The following NUP98 variants were observed in gnomAD, a reference collection of about 807,000 sequenced individuals.
NUP98 encodes nucleoporin 98 and 96 precursor, also known as nuclear pore complex protein Nup98-Nup96.
In NUP98, 26 loss-of-function variants were observed where a neutral mutation model predicts 191.9. The ratio of observed to expected loss-of-function variants is 0.14; its 90% CI spans 0.10 to 0.19. NUP98 has a LOEUF of 0.19. Among genes scored for constraint, NUP98 ranks in the 10% least tolerant of loss-of-function variants. The probability of loss-of-function intolerance (pLI) is 1.00; values close to 1 mark genes in which losing one functional copy is unlikely to be tolerated. For missense variants in NUP98, 1,941 were observed against 2,178.8 expected, an observed-to-expected ratio of 0.89 and a Z score of 2.17; for synonymous variants, 808 against 778.4, an observed-to-expected ratio of 1.04 and a Z score of -0.63.
At position 3,752,748 on chromosome 11, in the gene NUP98, A is replaced by G. The variant is rs548105627; in HGVS notation, c.1267+568T>C. Among the ~76,000 whole-genome samples the G allele has an allele frequency of 5.3e-5, 8 of 152,274 alleles. No homozygotes were observed. The South Asian group carries it at 1.7e-3, about 32-fold the overall frequency. On this transcript the variant is annotated intron_variant, in intron 11 of 32. Coordinates refer to ENST00000324932, the MANE Select transcript of NUP98 (RefSeq NM_016320.5). ...ACTGTACATGCTAAAACACTTATAT[A>G]TTTTATGACCATCATCACGCTCCAG... is the stretch of plus-strand genomic sequence containing the variant.
At chr11:3,779,093 C>T (rs778344628) in intron 3 of NUP98, 44 bp from the exon 4 acceptor site, 2 of 1,613,062 alleles carry the variant, frequency 1.2e-6, no homozygotes, top group African/African-American at 1.3e-5. Context: ...TACATCAGAG[C>T]CACTAAGTCA....
rs891964079 is a variant in NUP98, at chr11:3,767,315, G to C, written c.948+1266C>G. ...CATCTAGTATTTTGAAGACATGGCG[G>C]TACAAGCATACTTTTTTTTTTATTT... On this transcript the variant is annotated intron_variant, in intron 8 of 32. Coordinates refer to ENST00000324932, the MANE Select transcript of NUP98 (RefSeq NM_016320.5). Among the ~76,000 whole-genome samples the C allele has an allele frequency of 4.0e-5, 6 of 151,658 alleles. No individual in the cohort carries two copies. In the South Asian group the frequency reaches 1.3e-3, roughly 32 times the overall value.
chr11:3,740,718 C>T (rs1037761233), intron 12 of NUP98, among the ~76,000 whole-genome samples: 1 of 151,830 alleles, frequency 6.6e-6, no homozygotes, highest in African/African-American at 2.4e-5. Flanking sequence ...CTGATAATAG[C>T]CGGTTTCTAG....
In NUP98 at chr11:3,735,314, A is replaced by T; in HGVS notation, c.1419T>A (p.Asp473Glu). The stretch of plus-strand genomic sequence containing the variant: ...CCTGCTGGGCAGCAGAAGCATTTGG[A>T]TCTGTCAAAGCTTTTAAAAAAAAAA... ...GAPQAPVALT[D>E]PNASAAQQAV... Residue 473 changes from aspartate to glutamate, a missense_variant, in exon 13 of 33, where the codon GAT becomes GAA. Physicochemically the swap from Asp to Glu is conservative, Grantham distance 45 (BLOSUM62 2). Coordinates refer to ENST00000324932, the MANE Select transcript of NUP98 (RefSeq NM_016320.5). 6.5e-7 allele frequency: 1 copy of T among 1,530,256 alleles called. No homozygotes were observed. Among genetic ancestry groups the T allele is most frequent in the African/African-American group, 1.4e-5 (1 of 72,724 alleles). 94.8% of individuals were successfully genotyped at this position (1,530,256 alleles called of 1,614,324 possible).
Position 3,755,472 on chromosome 11 carries a change from A to C in NUP98, c.1175-2064T>G, listed in dbSNP as rs1039517310. The stretch of plus-strand genomic sequence containing the variant: ...AGAGCAAGACTCCGTCTCCAAAAGA[A>C]AAAAAAAATCATGGAGGAAAAAGTA... On this transcript the variant is annotated intron_variant, in intron 10 of 32. Transcript: ENST00000324932. 5.9e-5 allele frequency among the ~76,000 whole-genome samples: 9 copies of C among 151,392 alleles called. 1 individual carries two copies. The highest frequency in any genetic ancestry group is 1.3e-4 in the Admixed American group (2 of 15,148).
chr11:3,684,766 CAA>C (rs71041370), intron 29 of NUP98, among the ~76,000 whole-genome samples: 6 of 101,808 alleles, frequency 5.9e-5, no homozygotes, highest in East Asian at 6.1e-4. Flanking sequence ...TTTCACAGGC[CAA>C]AAAAAAAAAA....
Position 3,775,910 on chromosome 11 carries a change from G to A in NUP98, c.467C>T (p.Ala156Val), listed in dbSNP as rs1293815255. 1 of 1,613,704 alleles carries A rather than the reference G, an allele frequency of 6.2e-7. No homozygotes were observed. The highest frequency in any genetic ancestry group is 8.5e-7 in the Non-Finnish European group (1 of 1,179,744). Residue 156 changes from alanine (A) to valine (V), a missense_variant, in exon 5 of 33, where the codon GCT becomes GTT. Ala to Val is a moderately conservative substitution (Grantham distance 64). Transcript: ENST00000324932. Reference protein sequence around the residue: ...SLFGPSSFTAAPTGTTIKFNP... With the variant: ...SLFGPSSFTAVPTGTTIKFNP... ...AAATTTAATAGTAGTCCCAGTAGGAGCAGCTGTAAAACTACTTGGCCCAAA... is the reference window on the plus strand; with the variant it reads ...AAATTTAATAGTAGTCCCAGTAGGAACAGCTGTAAAACTACTTGGCCCAAA...
At chr11:3,724,277 C>CAA (rs573487646) in intron 15 of NUP98, among the ~76,000 whole-genome samples, 1 of 150,186 alleles carries the variant, frequency 6.7e-6, no homozygotes, top group African/African-American at 2.4e-5. Context: ...ACTAAAAATA[C>CAA]AAAAAAAATT....
intron 8 of NUP98, among the ~76,000 whole-genome samples, chr11:3,763,491 CA>C (rs779983355): frequency 1.2e-4 from 19 of 152,286 alleles, no homozygotes; most frequent in Non-Finnish European, 2.1e-4. Flanking sequence ...AACTTAGAAT[CA>C]AGTAACCAAA....
intron 1 of NUP98, among the ~76,000 whole-genome samples, chr11:3,787,309 G>C (rs968463206): frequency 6.6e-6 from 1 of 152,136 alleles, no homozygotes; most frequent in Non-Finnish European, 1.5e-5. Context: ...GGCCGGGCAC[G>C]GTGGCTCAAG....
chr11:3,790,512 A>G (rs1024872390), intron 1 of NUP98, among the ~76,000 whole-genome samples: 2 of 152,210 alleles, frequency 1.3e-5, no homozygotes, highest in Non-Finnish European at 2.9e-5. Context: ...TTTTCACAAT[A>G]AAACTAAGAC....
chr11:3,760,659 T>C, intron 9 of NUP98, 33 bp from the exon 10 acceptor site: 1 of 1,583,570 alleles, frequency 6.3e-7, no homozygotes. Flanking sequence ...AAATTTAAAA[T>C]AATATTAAGA....
At chr11:3,778,076 G>A (rs1369957099) in intron 4 of NUP98, among the ~76,000 whole-genome samples, 1 of 151,560 alleles carries the variant, frequency 6.6e-6, no homozygotes, top group Non-Finnish European at 1.5e-5. Context: ...GCAGGCGCCT[G>A]TAGTCCCAGC....
intron 1 of NUP98, among the ~76,000 whole-genome samples, chr11:3,795,375 G>C (rs748675392): frequency 6.6e-6 from 1 of 152,198 alleles, no homozygotes; most frequent in Non-Finnish European, 1.5e-5. Flanking sequence ...GAGCCCAGGA[G>C]GTAGAGGCTA....
chr11:3,714,428 G>A (rs891652237), intron 18 of NUP98, among the ~76,000 whole-genome samples: 2 of 152,172 alleles, frequency 1.3e-5, no homozygotes, highest in African/African-American at 4.8e-5. Context: ...ATATCGGTAT[G>A]AAGATGACTA....
intron 13 of NUP98, among the ~76,000 whole-genome samples, chr11:3,733,221 C>T (rs966171590): frequency 1.5e-4 from 23 of 151,826 alleles, no homozygotes; most frequent in African/African-American, 5.1e-4. Context: ...AACTATGAAG[C>T]TGCTTTCTTT....
intron 14 of NUP98, among the ~76,000 whole-genome samples, chr11:3,728,252 A>G (rs1390561846): frequency 2.0e-5 from 3 of 152,212 alleles, no homozygotes; most frequent in Non-Finnish European, 4.4e-5. Context: ...ATGTGTTCAG[A>G]GCAGTAATGG....
intron 10 of NUP98, among the ~76,000 whole-genome samples, chr11:3,757,807 A>G (rs1293275850): frequency 1.3e-5 from 2 of 152,058 alleles, no homozygotes; most frequent in Non-Finnish European, 2.9e-5. Flanking sequence ...CTCAAAAAGA[A>G]AGAAAAGAAA....
At chr11:3,760,746 C>G (rs1348900640) in intron 9 of NUP98, 120 bp from the exon 10 acceptor site, 2 of 659,314 alleles carry the variant, frequency 3.0e-6, no homozygotes, top group Non-Finnish European at 5.0e-6. Context: ...TCCTAACATT[C>G]ATAAAAAAGG....
Sources: allele counts gnomAD v4.1 joint callset (sites outside exome capture counted in the v4.1 genomes callset), GRCh38; gene constraint gnomAD v4.1.1; transcripts MANE v1.5; gene names NCBI Gene and HGNC (gene_info 2026-07-23, HGNC 2026-07-21).